Variants in TBC1D1 observed in about 807,000 individuals in gnomAD.
TBC1D1 encodes the protein TBC1 (tre-2/USP6, BUB2, cdc16) domain family, member 1.
Under a neutral mutation model 125.6 loss-of-function variants are expected in TBC1D1, and 89 were observed. The ratio of observed to expected loss-of-function variants is 0.71; its 90% CI spans 0.60 to 0.85. The LOEUF (loss-of-function observed/expected upper bound fraction) is 0.85, where lower values mean the gene tolerates loss of function less well. Ranked by LOEUF, TBC1D1 falls within the 40% of genes least tolerant of loss-of-function variation. The probability of loss-of-function intolerance (pLI) is 0.00; values close to 1 mark genes in which losing one functional copy is unlikely to be tolerated. For synonymous variants in TBC1D1, 565 were observed against 564.1 expected (o/e 1.00, Z -0.02); for missense variants, 1,377 against 1,469.2 (o/e 0.94, Z 1.03).
At chr4:38,043,130 G>T (rs940369536) in intron 8 of TBC1D1, among the ~76,000 whole-genome samples, 1 of 151,302 alleles carries the variant, frequency 6.6e-6, no homozygotes, top group Non-Finnish European at 1.5e-5. Flanking sequence ...TCAAACTCCC[G>T]ACCTCAGGTG....
At chr4:37,925,542 C>A (rs1353770620) in intron 2 of TBC1D1, among the ~76,000 whole-genome samples, 10 of 151,736 alleles carry the variant, frequency 6.6e-5, no homozygotes, top group Non-Finnish European at 1.2e-4. Flanking sequence ...ATGGTGAAAC[C>A]CTGTCTCTAC....
At chr4:37,979,932 A>T (rs888266150) in intron 2 of TBC1D1, among the ~76,000 whole-genome samples, 2 of 152,170 alleles carry the variant, frequency 1.3e-5, no homozygotes, top group Non-Finnish European at 2.9e-5. Flanking sequence ...GGCTTGCGCC[A>T]CCACCCCCGC....
At chr4:38,042,309 C>T (rs1315243912) in intron 8 of TBC1D1, among the ~76,000 whole-genome samples, 9 of 151,976 alleles carry the variant, frequency 5.9e-5, no homozygotes, top group South Asian at 2.1e-4. Flanking sequence ...AGCTGGAGTG[C>T]GGTGGTGCGA....
chr4:37,920,246 G>A (rs1720666839), intron 2 of TBC1D1, among the ~76,000 whole-genome samples: 1 of 152,124 alleles, frequency 6.6e-6, no homozygotes, highest in African/African-American at 2.4e-5. Context: ...GGGGTTGGGG[G>A]GTGTAGTTTG....
intron 2 of TBC1D1, chr4:38,007,059 G>T: frequency 2.7e-6 from 1 of 376,646 alleles, no homozygotes; most frequent in Non-Finnish European, 5.4e-6. Context: ...AAATAGCTGA[G>T]CACTGAGACG....
At chr4:37,980,621 A>C (rs536626328) in intron 2 of TBC1D1, among the ~76,000 whole-genome samples, 2 of 152,368 alleles carry the variant, frequency 1.3e-5, no homozygotes. Context: ...ATGTCAGTTT[A>C]TGAGAAAAAA....
chr4:37,891,089 C>CCTCCTCCTCCTCCTCCTA lies in TBC1D1; in HGVS notation c.-353_-352insCTCCTCCTCCTCCTCCTA, dbSNP rs1713109909. 6.1e-6 allele frequency: 1 copy of CCTCCTCCTCCTCCTCCTA among 162,690 alleles called. No individual in the cohort carries two copies. The highest frequency in any genetic ancestry group is 1.3e-5 in the Non-Finnish European group (1 of 76,278). 10.1% of individuals were successfully genotyped at this position (162,690 alleles called of 1,614,324 possible). On this transcript the variant is annotated 5_prime_UTR_variant, in exon 1 of 20. Transcript: ENST00000261439. ...TCTTCCTCCTCCTCCTCCTCCTCCT[C>CCTCCTCCTCCTCCTCCTA]TTCGGCTGCTGCTCCTGGTGCCGCC...
At chr4:37,978,238 A>G (rs1467160562) in intron 2 of TBC1D1, among the ~76,000 whole-genome samples, 1 of 152,206 alleles carries the variant, frequency 6.6e-6, no homozygotes, top group East Asian at 1.9e-4. Context: ...TAGCATCAAT[A>G]GCATTCTTTT....
chr4:38,052,188 TGTGTGTGC>T, intron 11 of TBC1D1, 128 bp downstream of exon 12: 4 of 603,388 alleles, frequency 6.6e-6, no homozygotes, highest in Admixed American at 3.3e-5. Context: ...TGTGTGTGTG[TGTGTGTGC>T]GCGCGCGTGT....
intron 12 of TBC1D1, among the ~76,000 whole-genome samples, chr4:38,085,752 A>T (rs1200433610): frequency 2.0e-5 from 3 of 152,196 alleles, no homozygotes; most frequent in African/African-American, 7.2e-5. Flanking sequence ...CACCTAACGC[A>T]TTGCATCGCT....
chr4:37,938,506 T>G (rs1448774120), intron 2 of TBC1D1, among the ~76,000 whole-genome samples: 1 of 152,072 alleles, frequency 6.6e-6, no homozygotes, highest in Non-Finnish European at 1.5e-5. Context: ...AATAAGCGAT[T>G]TGAATTTTTT....
chr4:38,020,728 C>T, intron 5 of TBC1D1, 33 bp downstream of exon 5: 1 of 1,575,652 alleles, frequency 6.3e-7, no homozygotes, highest in Non-Finnish European at 8.7e-7. Flanking sequence ...TACCTTGGAA[C>T]CTTCTTTACA....
chr4:38,076,440 C>G (rs1479040474), intron 12 of TBC1D1, among the ~76,000 whole-genome samples: 2 of 152,144 alleles, frequency 1.3e-5, no homozygotes, highest in Non-Finnish European at 2.9e-5. Context: ...GCCCTGATCC[C>G]TTTATGTGAG....
intron 14 of TBC1D1, 90 bp from the exon 17 acceptor site, chr4:38,102,909 G>T: frequency 2.3e-6 from 3 of 1,328,252 alleles, no homozygotes; most frequent in South Asian, 1.5e-5. Context: ...ACAAGAATTT[G>T]GATAAATGGA....
chr4:37,934,689 G>A (rs1164792782), intron 2 of TBC1D1, among the ~76,000 whole-genome samples: 1 of 152,184 alleles, frequency 6.6e-6, no homozygotes. Flanking sequence ...AGAGACCAGT[G>A]TAGGAGGGGC....
intron 2 of TBC1D1, among the ~76,000 whole-genome samples, chr4:37,965,462 A>C (rs10517460): frequency 0.11 from 16,751 of 152,206 alleles, 997 homozygotes; most frequent in Middle Eastern, 0.2. Context: ...TCTGGCATGC[A>C]GTAAGTACTC....
intron 2 of TBC1D1, among the ~76,000 whole-genome samples, chr4:37,950,171 A>C (rs1727538156): frequency 6.6e-6 from 1 of 152,208 alleles, no homozygotes; most frequent in Admixed American, 6.5e-5. Context: ...ATATGAAGAG[A>C]TCAGAGGCTG....
At chr4:37,996,882 A>G (rs1332351310) in intron 2 of TBC1D1, among the ~76,000 whole-genome samples, 1 of 152,216 alleles carries the variant, frequency 6.6e-6, no homozygotes, top group African/African-American at 2.4e-5. Flanking sequence ...CTGAGATCCA[A>G]CCCACACTTG....
At chr4:38,048,251 A>G (rs1265761555) in intron 10 of TBC1D1, among the ~76,000 whole-genome samples, 1 of 152,190 alleles carries the variant, frequency 6.6e-6, no homozygotes, top group African/African-American at 2.4e-5. Flanking sequence ...GACAAATGAA[A>G]ATGGCCCTTT....
Sources: allele counts gnomAD v4.1 joint callset (sites outside exome capture counted in the v4.1 genomes callset), GRCh38; gene constraint gnomAD v4.1.1; transcripts MANE v1.5; gene names NCBI Gene and HGNC (gene_info 2026-07-23, HGNC 2026-07-21).